The following ENTREP2 variants were observed in gnomAD, a reference collection of about 807,000 sequenced individuals.
ENTREP2 encodes protein ENTREP2.
At chr15:29,456,138 AC>A in the ENTREP2 span, among the ~76,000 whole-genome samples, 74 of 152,240 alleles carry the variant, frequency 4.9e-4, no homozygotes, top group African/African-American at 1.7e-3. Flanking sequence ...CTTCCATGAA[AC>A]CAGTCCCTGG....
chr15:29,502,950 AAC>A, the ENTREP2 span, among the ~76,000 whole-genome samples: 1 of 151,192 alleles, frequency 6.6e-6, no homozygotes, highest in African/African-American at 2.5e-5. Flanking sequence ...GGGAAAAAAA[AAC>A]CAGAAAATAA....
chr15:29,504,854 C>T, the ENTREP2 span, among the ~76,000 whole-genome samples: 1 of 152,182 alleles, frequency 6.6e-6, no homozygotes, highest in Non-Finnish European at 1.5e-5. Context: ...TGATGATACC[C>T]AGGGCTGGCA....
the ENTREP2 span, among the ~76,000 whole-genome samples, chr15:29,153,855 G>A: frequency 6.6e-5 from 10 of 152,144 alleles, no homozygotes; most frequent in Non-Finnish European, 1.0e-4. Flanking sequence ...TGCCCAGGCT[G>A]GAGTGCAGTG....
At chr15:29,668,877 C>G in the ENTREP2 span, among the ~76,000 whole-genome samples, 1 of 152,222 alleles carries the variant, frequency 6.6e-6, no homozygotes, top group Non-Finnish European at 1.5e-5. Flanking sequence ...CCTGGACAGA[C>G]TTTTGTCACA....
At chr15:29,202,429 A>G in the ENTREP2 span, among the ~76,000 whole-genome samples, 3 of 152,148 alleles carry the variant, frequency 2.0e-5, no homozygotes, top group Admixed American at 2.0e-4. Context: ...ACATTGCAGA[A>G]TGATTGAATC....
the ENTREP2 span, among the ~76,000 whole-genome samples, chr15:29,512,300 T>C: frequency 3.9e-5 from 6 of 152,082 alleles, no homozygotes; most frequent in Non-Finnish European, 5.9e-5. Context: ...TCAACAAATA[T>C]GGAGTACCTA....
the ENTREP2 span, among the ~76,000 whole-genome samples, chr15:29,365,170 T>C: frequency 1.3e-5 from 2 of 152,208 alleles, no homozygotes; most frequent in Admixed American, 6.5e-5. Context: ...ATACAGTCTA[T>C]AGCCTTTTCA....
chr15:29,130,127 A>G, the ENTREP2 span, among the ~76,000 whole-genome samples: 1 of 152,176 alleles, frequency 6.6e-6, no homozygotes, highest in Admixed American at 6.5e-5. Context: ...CCACCCACAC[A>G]AAGGGTGTGA....
chr15:29,292,586 G>T, the ENTREP2 span, among the ~76,000 whole-genome samples: 1 of 152,106 alleles, frequency 6.6e-6, no homozygotes, highest in African/African-American at 2.4e-5. Context: ...TCACCATGTT[G>T]TCCAGGCTGG....
At chr15:29,190,532 G>A in the ENTREP2 span, among the ~76,000 whole-genome samples, 2 of 152,128 alleles carry the variant, frequency 1.3e-5, no homozygotes, top group Admixed American at 1.3e-4. Flanking sequence ...GAAGAAAGTT[G>A]GTTTCTGCTT....
chr15:29,481,703 G>A, the ENTREP2 span, among the ~76,000 whole-genome samples: 2 of 152,190 alleles, frequency 1.3e-5, no homozygotes, highest in Non-Finnish European at 2.9e-5. Context: ...ATAAGGAAAA[G>A]AGCAGTGCCT....
chr15:29,490,984 G>A, the ENTREP2 span, among the ~76,000 whole-genome samples: 1 of 152,200 alleles, frequency 6.6e-6, no homozygotes, highest in Non-Finnish European at 1.5e-5. Context: ...CACTGCAGGG[G>A]GCAGCATGGC....
the ENTREP2 span, among the ~76,000 whole-genome samples, chr15:29,545,613 A>G: frequency 2.4e-4 from 36 of 152,300 alleles, 1 homozygote; most frequent in Admixed American, 2.4e-3. Context: ...TTATAAGAGT[A>G]GGTACATGAC....
At chr15:29,626,957 T>C in the ENTREP2 span, among the ~76,000 whole-genome samples, 1 of 152,226 alleles carries the variant, frequency 6.6e-6, no homozygotes, top group Admixed American at 6.5e-5. Flanking sequence ...TCATTTTTAC[T>C]GATATTTTCA....
chr15:29,409,961 C>G, the ENTREP2 span, among the ~76,000 whole-genome samples: 1 of 152,134 alleles, frequency 6.6e-6, no homozygotes, highest in Admixed American at 6.5e-5. Context: ...TTCAGGGCTC[C>G]CAGGACCAAT....
the ENTREP2 span, among the ~76,000 whole-genome samples, chr15:29,468,468 G>A: frequency 2.0e-5 from 3 of 152,082 alleles, no homozygotes; most frequent in South Asian, 2.1e-4. Flanking sequence ...AAAATTAGGC[G>A]GGGTGGTGGC....
chr15:29,128,725 C>T, the ENTREP2 span: 6,151 of 1,218,100 alleles, frequency 5.0e-3, 186 homozygotes, highest in African/African-American at 0.074. Flanking sequence ...AGGACGAGGA[C>T]GAAAAAGAGA....
chr15:29,417,719 T>C, the ENTREP2 span, among the ~76,000 whole-genome samples: 2 of 152,122 alleles, frequency 1.3e-5, 1 homozygote, highest in South Asian at 4.1e-4. Context: ...AATATATATG[T>C]ATGTATCTTG....
At chr15:29,534,631 T>C in the ENTREP2 span, among the ~76,000 whole-genome samples, 6 of 152,212 alleles carry the variant, frequency 3.9e-5, no homozygotes, top group Non-Finnish European at 7.3e-5. Flanking sequence ...GGCTTACTTA[T>C]TGTTAAGTAG....
Sources: allele counts gnomAD v4.1 joint callset (sites outside exome capture counted in the v4.1 genomes callset), GRCh38; gene constraint gnomAD v4.1.1; transcripts MANE v1.5; gene names NCBI Gene and HGNC (gene_info 2026-07-23, HGNC 2026-07-21).